COL4A2: variants seen among roughly 807,000 people sequenced by gnomAD.
The protein encoded by COL4A2 is collagen alpha-2(IV) chain.
Under a neutral mutation model 200.2 loss-of-function variants are expected in COL4A2, and 99 were observed. The observed-to-expected ratio is 0.49, with a 90% CI of 0.42 to 0.58. The LOEUF (loss-of-function observed/expected upper bound fraction) is 0.58, where lower values mean the gene tolerates loss of function less well. Among genes scored for constraint, COL4A2 ranks in the 20% least tolerant of loss-of-function variants. The pLI is 0.00. For synonymous variants in COL4A2, 897 were observed against 900.6 expected, an observed-to-expected ratio of 1.00 and a Z score of 0.07; for missense variants, 1,950 against 2,314.1, an observed-to-expected ratio of 0.84 and a Z score of 3.23.
chr13:110,403,853 G>A (rs1011787637), intron 4 of COL4A2, among the ~76,000 whole-genome samples: 7 of 152,218 alleles, frequency 4.6e-5, no homozygotes, highest in African/African-American at 1.4e-4. Context: ...GGTGATTTAT[G>A]TACAACAGAA....
chr13:110,312,106 A>C (rs1260895707), intron 3 of COL4A2, among the ~76,000 whole-genome samples: 1 of 152,188 alleles, frequency 6.6e-6, no homozygotes, highest in East Asian at 1.9e-4. Flanking sequence ...TATTGCTCAA[A>C]ACATGGCCCT....
intron 45 of COL4A2, among the ~76,000 whole-genome samples, chr13:110,504,962 A>G (rs1046761019): frequency 6.6e-6 from 1 of 152,014 alleles, no homozygotes; most frequent in Non-Finnish European, 1.5e-5. Flanking sequence ...GCCAGGAATA[A>G]CAGCTATTCA....
chr13:110,455,590 G>A (rs9521776), intron 20 of COL4A2, among the ~76,000 whole-genome samples: 13,857 of 152,200 alleles, frequency 0.091, 697 homozygotes, highest in Middle Eastern at 0.16. Context: ...AGAGTCCATC[G>A]GTTTCATTTC....
intron 4 of COL4A2, among the ~76,000 whole-genome samples, chr13:110,374,538 CT>C (rs1294110512): frequency 1.3e-5 from 2 of 152,188 alleles, no homozygotes; most frequent in African/African-American, 4.8e-5. Flanking sequence ...AATATCCATC[CT>C]TTTCCCCATC....
At chr13:110,507,392 C>G (rs1041451045) in intron 46 of COL4A2, 1 of 158,146 alleles carries the variant, frequency 6.3e-6, no homozygotes, top group African/African-American at 2.4e-5. Flanking sequence ...GGCATGTTTG[C>G]TAAAGGTGGC....
In COL4A2 at chr13:110,503,470, C is replaced by T; in HGVS notation, c.4127C>T (p.Pro1376Leu). The T allele has an allele frequency of 6.4e-7, 1 of 1,557,490 alleles. No homozygotes were observed. The highest frequency in any genetic ancestry group is 8.7e-7 in the Non-Finnish European group (1 of 1,147,146). The part of the protein sequence containing the change: ...DRGPKGPKGD[P>L]GFPGAPGTVG... Reference sequence around the variant, plus strand: ...GGCCCCAAGGGACCCAAGGGAGACCCAGGATTCCCTGGTAAGTGACCGTCT... The same window carrying T: ...GGCCCCAAGGGACCCAAGGGAGACCTAGGATTCCCTGGTAAGTGACCGTCT... Residue 1376 changes from proline (P) to leucine (L), a missense_variant, in exon 43 of 48, where the codon CCA (proline) becomes CTA (leucine). Coordinates refer to ENST00000360467, the MANE Select transcript of COL4A2 (RefSeq NM_001846.4).
At chr13:110,385,554 T>TGTGGATAGGCCGTGGTTACAGTGC (rs1878678934) in intron 4 of COL4A2, among the ~76,000 whole-genome samples, 1 of 51,794 alleles carries the variant, frequency 1.9e-5, no homozygotes, top group Non-Finnish European at 4.7e-5. Flanking sequence ...GGTTGCAGTG[T>TGTGGATAGGCCGTGGTTACAGTGC]GTGGATAGAC....
In COL4A2 at chr13:110,478,016, G is replaced by A. The variant is rs1555331771; in HGVS notation, c.2439G>A (p.Met813Ile). 3.1e-5 allele frequency: 49 copies of A among 1,567,672 alleles called. No homozygotes were observed. The South Asian group carries it at 5.2e-4, about 17-fold the overall frequency. ...TGATTCCTGCAGGAAGCCAAGGGATGCCTGGGATGCCAGGGCTGAAGGGCC... is the reference window on the plus strand; with the variant it reads ...TGATTCCTGCAGGAAGCCAAGGGATACCTGGGATGCCAGGGCTGAAGGGCC... ...GPPGFRGSQG[M>I]PGMPGLKGQP... Residue 813 changes from methionine (M) to isoleucine (I), a missense_variant, in exon 30 of 48, where the codon ATG (methionine) becomes ATA (isoleucine). Around this residue, in one of 2 missense-constraint regions of COL4A2, gnomAD observed 1,385 missense variants for 1,720.5 expected, o/e 0.80. Coordinates refer to ENST00000360467, the MANE Select transcript of COL4A2 (RefSeq NM_001846.4).
At chr13:110,501,251 T>C (rs775281810) in intron 40 of COL4A2, among the ~76,000 whole-genome samples, 45 of 152,244 alleles carry the variant, frequency 3.0e-4, no homozygotes, top group Admixed American at 1.8e-3. Context: ...ATGTCAATTG[T>C]AAGCCTCATT....
chr13:110,500,351 G>A (rs1883600165), intron 40 of COL4A2, among the ~76,000 whole-genome samples: 1 of 152,070 alleles, frequency 6.6e-6, no homozygotes, highest in Non-Finnish European at 1.5e-5. Context: ...ACTAATCTTG[G>A]TCCCCAGCCC....
chr13:110,435,946 T>G (rs1880854781), intron 12 of COL4A2, among the ~76,000 whole-genome samples: 1 of 152,098 alleles, frequency 6.6e-6, no homozygotes, highest in Admixed American at 6.6e-5. Flanking sequence ...CATAAAGACA[T>G]TCAGCCCTCA....
At chr13:110,485,206 G>A (rs1262763714) in intron 33 of COL4A2, among the ~76,000 whole-genome samples, 179 bp downstream of exon 33, 1 of 152,186 alleles carries the variant, frequency 6.6e-6, no homozygotes, top group Non-Finnish European at 1.5e-5. Context: ...TGATGCCTGA[G>A]TAACCTCGGT....
intron 29 of COL4A2, among the ~76,000 whole-genome samples, chr13:110,473,751 C>T (rs1008994642): frequency 1.3e-5 from 2 of 152,152 alleles, no homozygotes; most frequent in Non-Finnish European, 2.9e-5. Context: ...AAGATGATGC[C>T]ATGGACAGCA....
chr13:110,393,228 A>G (rs1218820060), intron 4 of COL4A2, among the ~76,000 whole-genome samples: 1 of 152,248 alleles, frequency 6.6e-6, no homozygotes, highest in African/African-American at 2.4e-5. Context: ...TCTTTTCTCT[A>G]ACAAGCTCAT....
intron 4 of COL4A2, among the ~76,000 whole-genome samples, chr13:110,396,343 T>C (rs953413483): frequency 6.6e-6 from 1 of 152,190 alleles, no homozygotes; most frequent in Non-Finnish European, 1.5e-5. Flanking sequence ...CATGTGGAAG[T>C]TTCTCTGACT....
At chr13:110,419,932 T>C (rs1880183769) in intron 4 of COL4A2, among the ~76,000 whole-genome samples, 1 of 152,208 alleles carries the variant, frequency 6.6e-6, no homozygotes. Flanking sequence ...AACTCCATGC[T>C]TAAGAGGTTT....
At chr13:110,346,973 A>T (rs1049953625) in intron 3 of COL4A2, among the ~76,000 whole-genome samples, 1 of 152,154 alleles carries the variant, frequency 6.6e-6, no homozygotes, top group African/African-American at 2.4e-5. Flanking sequence ...AAGTGCGAAC[A>T]CCTGGGTCCA....
rs61963223 is a variant in COL4A2, at chr13:110,425,896, G to A, written c.360+899G>A. On this transcript the variant is annotated intron_variant, in intron 6 of 47. Transcript: ENST00000360467. ...CCATGAGATCTTTAGTCCCACCGTC[G>A]AGGAGACATCCGCAGAGCAGAAGGA... Among the ~76,000 whole-genome samples the A allele has an allele frequency of 5.3e-3, 805 of 152,264 alleles. 4 individuals carry two copies. Among genetic ancestry groups the A allele is most frequent in the South Asian group, 0.025 (119 of 4,812 alleles).
In COL4A2 at chr13:110,480,323, G is replaced by A; in HGVS notation, c.2691G>A (p.Glu897=). 6 of 1,614,038 alleles carry A rather than the reference G, an allele frequency of 3.7e-6. No homozygotes were observed. The highest frequency in any genetic ancestry group is 5.1e-6 in the Non-Finnish European group (6 of 1,179,952). The change falls in exon 31 of 48, where the codon GAG becomes GAA. Residue 897 remains glutamate, a synonymous_variant. Coordinates refer to ENST00000360467, the MANE Select transcript of COL4A2 (RefSeq NM_001846.4). The part of the protein sequence containing the change: ...GDRGDAGFTG[E]QGHPGSPGFK... ...GAGGAGATGCTGGCTTCACAGGGGA[G>A]CAAGGCCATCCAGGAAGCCCTGGAT... is the stretch of plus-strand genomic sequence containing the variant.
Sources: gnomAD v4.1 joint callset for allele counts (sites outside exome capture counted in the v4.1 genomes callset) on GRCh38, gnomAD v4.1.1 for gene constraint, gnomAD v4.1.1 regional missense constraint, MANE v1.5 for transcripts, NCBI Gene and HGNC (gene_info 2026-07-23, HGNC 2026-07-21) for gene names.